ATXN7: variants seen among roughly 807,000 people sequenced by gnomAD.
The protein encoded by ATXN7 is ataxin 7, also known as ataxin-7.
In ATXN7, 12 loss-of-function variants were observed where a neutral mutation model predicts 70.5. The ratio of observed to expected loss-of-function variants is 0.17; its 90% confidence interval spans 0.11 to 0.28. ATXN7 has a LOEUF of 0.28. Ranked by LOEUF, ATXN7 falls within the 10% of genes least tolerant of loss-of-function variation. The probability of loss-of-function intolerance (pLI) is 1.00; values close to 1 mark genes in which losing one functional copy is unlikely to be tolerated. For missense variants in ATXN7, 1,256 were observed against 1,131.7 expected (o/e 1.11, Z -1.58); for synonymous variants, 498 against 448.7 (o/e 1.11, Z -1.39).
intron 5 of ATXN7, among the ~76,000 whole-genome samples, chr3:63,969,121 A>G (rs1303122089): frequency 6.6e-6 from 1 of 152,218 alleles, no homozygotes; most frequent in East Asian, 1.9e-4. Context: ...GAAAAAATAA[A>G]TGTGTGTTGC....
At chr3:63,913,859 C>T (rs183014730) in intron 4 of ATXN7, among the ~76,000 whole-genome samples, 1 of 152,230 alleles carries the variant, frequency 6.6e-6, no homozygotes, top group East Asian at 1.9e-4. Flanking sequence ...TAAAAAGATA[C>T]ACTAGGGAAA....
chr3:63,990,136 G>A (rs768215765), intron 9 of ATXN7, 40 bp from the exon 10 acceptor site: 15 of 1,595,938 alleles, frequency 9.4e-6, no homozygotes, highest in Non-Finnish European at 1.2e-5. Context: ...TGATTCCCAG[G>A]TGTGTGATCT....
chr3:63,865,415 C>T (rs1047192835), intron 1 of ATXN7: 1 of 152,172 alleles, frequency 6.6e-6, no homozygotes, highest in African/African-American at 2.4e-5. Flanking sequence ...AAAATACTGA[C>T]CTAAACGCTG....
intron 12 of ATXN7, among the ~76,000 whole-genome samples, chr3:63,997,409 T>C (rs1336956816): frequency 2.0e-5 from 3 of 152,176 alleles, no homozygotes; most frequent in Admixed American, 2.0e-4. Flanking sequence ...TCCAAGCTCA[T>C]AGTTAAAAAG....
chr3:63,917,379 T>C (rs1168395192), intron 4 of ATXN7, among the ~76,000 whole-genome samples: 1 of 152,260 alleles, frequency 6.6e-6, no homozygotes, highest in African/African-American at 2.4e-5. Flanking sequence ...AACAAAATTA[T>C]GTTTAGATTG....
chr3:63,989,542 C>T (rs115092332), intron 9 of ATXN7, among the ~76,000 whole-genome samples: 6 of 151,816 alleles, frequency 4.0e-5, no homozygotes, highest in South Asian at 2.1e-4. Context: ...AAAATTGTGT[C>T]GTACTGAACA....
chr3:63,865,166 A>C (rs1290765191), intron 1 of ATXN7: 1 of 152,228 alleles, frequency 6.6e-6, no homozygotes, highest in African/African-American at 2.4e-5. Flanking sequence ...CAGTTCTTTC[A>C]AAGAGGAGAA....
At chr3:63,967,073 G>A (rs1179901232) in intron 5 of ATXN7, among the ~76,000 whole-genome samples, 1 of 152,124 alleles carries the variant, frequency 6.6e-6, no homozygotes, top group African/African-American at 2.4e-5. Flanking sequence ...CAGGTAGTTG[G>A]GATTACAGGT....
intron 2 of ATXN7, among the ~76,000 whole-genome samples, chr3:63,907,732 AC>A (rs1316349897): frequency 6.6e-6 from 1 of 151,490 alleles, no homozygotes; most frequent in East Asian, 1.9e-4. Context: ...CAGGCATCAG[AC>A]CATCACGCCT....
At chr3:63,887,551 T>A (rs2107237288) in intron 1 of ATXN7, among the ~76,000 whole-genome samples, 1 of 152,326 alleles carries the variant, frequency 6.6e-6, no homozygotes, top group South Asian at 2.1e-4. Context: ...ATGTTTAAAG[T>A]ATCTGTTAGA....
chr3:63,912,489 C>T (rs970975568), intron 2 of ATXN7, 99 bp from the exon 3 acceptor site: 29 of 798,906 alleles, frequency 3.6e-5, no homozygotes, highest in Middle Eastern at 1.2e-3. Context: ...GCGTGCCCCA[C>T]CCGGTCCGCG....
At chr3:63,914,177 C>A (rs1008328818) in intron 4 of ATXN7, among the ~76,000 whole-genome samples, 4 of 152,106 alleles carry the variant, frequency 2.6e-5, no homozygotes, top group African/African-American at 9.7e-5. Flanking sequence ...TGTCTATGGC[C>A]CAAGGATAGG....
rs538503525 is a variant in ATXN7 at position 63,912,696 on chromosome 3, A to C, written c.98A>C (p.Gln33Pro). 532 of 1,159,916 alleles carry C rather than the reference A, an allele frequency of 4.6e-4. 10 individuals are homozygous for C. In the East Asian group the frequency reaches 0.013, roughly 29 times the overall value. The allele number at this position is 1,159,916 out of a possible 1,614,324, so 71.9% of individuals were successfully genotyped here. ...GCCGCGGCCGCCCGGCAGCAGCAGCAGCAGCAGCAGCAGCAGCAGCCGCCG... is the reference window on the plus strand; with the variant it reads ...GCCGCGGCCGCCCGGCAGCAGCAGCCGCAGCAGCAGCAGCAGCAGCCGCCG... ...AAAAAARQQQ[Q>P]QQQQQQPPPP... is the part of the protein sequence containing the mutation. The change falls in exon 3 of 13, where the codon CAG (glutamine) becomes CCG (proline). Residue 33 changes from glutamine to proline, a missense_variant. Gln to Pro is a moderately conservative substitution (Grantham distance 76). Transcript: ENST00000674280.
chr3:63,908,189 C>G (rs898468509), intron 2 of ATXN7, among the ~76,000 whole-genome samples: 1 of 152,170 alleles, frequency 6.6e-6, no homozygotes, highest in Non-Finnish European at 1.5e-5. Flanking sequence ...CACTTGATTG[C>G]TATGAATTCC....
intron 4 of ATXN7, among the ~76,000 whole-genome samples, chr3:63,949,899 T>G (rs536675643): frequency 6.6e-6 from 1 of 152,312 alleles, no homozygotes; most frequent in African/African-American, 2.4e-5. Context: ...AGTTTGTTTC[T>G]CCATAAGTAA....
chr3:63,929,905 T>C (rs1704878930), intron 4 of ATXN7, among the ~76,000 whole-genome samples: 1 of 152,154 alleles, frequency 6.6e-6, no homozygotes, highest in Non-Finnish European at 1.5e-5. Context: ...CAGAACCCTG[T>C]CCTTGGCTCA....
chr3:63,938,568 T>G (rs2074703406), intron 4 of ATXN7, among the ~76,000 whole-genome samples: 1 of 152,166 alleles, frequency 6.6e-6, no homozygotes, highest in African/African-American at 2.4e-5. Context: ...GGAAAATGCA[T>G]TCAAAGCTAA....
chr3:63,948,600 G>A (rs2074904392), intron 4 of ATXN7, among the ~76,000 whole-genome samples: 1 of 152,166 alleles, frequency 6.6e-6, no homozygotes, highest in African/African-American at 2.4e-5. Context: ...ACTGAACAAA[G>A]TCCTCAAAAT....
At chr3:63,980,270 A>C (rs2075463728) in intron 6 of ATXN7, 103 bp downstream of exon 6, 4 of 1,439,730 alleles carry the variant, frequency 2.8e-6, no homozygotes, top group Non-Finnish European at 2.8e-6. Context: ...AAGAGAGTCT[A>C]CTTGGGGAAG....
Sources: gnomAD v4.1 joint callset for allele counts (sites outside exome capture counted in the v4.1 genomes callset) on GRCh38, gnomAD v4.1.1 for gene constraint, MANE v1.5 for transcripts, NCBI Gene and HGNC (gene_info 2026-07-23, HGNC 2026-07-21) for gene names.